CPNE4: variants seen among roughly 807,000 people sequenced by gnomAD.
The protein encoded by CPNE4 is copine 4.
CPNE4 carries 25 observed loss-of-function variants against 67.9 expected under a neutral mutation model. The ratio of observed to expected loss-of-function variants is 0.37; its 90% CI spans 0.27 to 0.51. The LOEUF (loss-of-function observed/expected upper bound fraction) is 0.51, where lower values mean the gene tolerates loss of function less well. Among genes scored for constraint, CPNE4 ranks in the 20% least tolerant of loss-of-function variants. The pLI is 0.93. For missense variants in CPNE4, 464 were observed against 690.8 expected (o/e 0.67, Z 3.68); for synonymous variants, 242 against 244.9 (o/e 0.99, Z 0.11).
At chr3:131,655,284 T>C (rs1478752929) in intron 7 of CPNE4, among the ~76,000 whole-genome samples, 5 of 152,166 alleles carry the variant, frequency 3.3e-5, no homozygotes, top group Non-Finnish European at 7.3e-5. Flanking sequence ...GACCCAATGA[T>C]GTATGTTTCA....
In CPNE4 at chr3:131,776,407, T is replaced by G. The variant is rs905704623; in HGVS notation, c.181-52782A>C. Among the ~76,000 whole-genome samples the G allele has an allele frequency of 2.0e-5, 3 of 152,074 alleles. No homozygotes were observed. In the East Asian group the frequency reaches 5.8e-4, roughly 29 times the overall value. ...TATTCCTTTCACTGTCTGAGGAACT[T>G]CCAACACCCTGATGGGAGGCTTTGA... is the stretch of plus-strand genomic sequence containing the variant. On this transcript the variant is annotated intron_variant, in intron 2 of 15. Coordinates refer to ENST00000429747, the MANE Select transcript of CPNE4 (RefSeq NM_130808.3).
At chr3:131,750,461 T>C (rs976342051) in intron 2 of CPNE4, among the ~76,000 whole-genome samples, 1 of 152,196 alleles carries the variant, frequency 6.6e-6, no homozygotes, top group Non-Finnish European at 1.5e-5. Flanking sequence ...TTAGTGCATC[T>C]CATTGAGTAT....
At chr3:131,760,997 C>G (rs2082872936) in intron 2 of CPNE4, among the ~76,000 whole-genome samples, 1 of 151,996 alleles carries the variant, frequency 6.6e-6, no homozygotes, top group Non-Finnish European at 1.5e-5. Flanking sequence ...GACACACTTT[C>G]CTTGTTGAGA....
upstream of CPNE4, chr3:132,035,115 C>T (rs2074317831): frequency 1.0e-6 from 1 of 961,898 alleles, no homozygotes; most frequent in Admixed American, 6.2e-5. Flanking sequence ...GCCCCGGGAA[C>T]CCGAGCTCAG....
chr3:132,005,567 C>A (rs2073577761), intron 1 of CPNE4, among the ~76,000 whole-genome samples: 1 of 151,576 alleles, frequency 6.6e-6, no homozygotes. Flanking sequence ...TTCATCTATT[C>A]AAGTGTTTAC....
intron 2 of CPNE4, among the ~76,000 whole-genome samples, chr3:131,725,878 C>T (rs2081988680): frequency 6.6e-6 from 1 of 152,222 alleles, no homozygotes; most frequent in South Asian, 2.1e-4. Context: ...ATTTACTCTT[C>T]ACTTCTCACA....
chr3:131,825,514 G>A (rs960857653), intron 2 of CPNE4, among the ~76,000 whole-genome samples: 4 of 149,056 alleles, frequency 2.7e-5, no homozygotes, highest in Admixed American at 2.7e-4. Context: ...AAAAAACATT[G>A]GTAACTTCTG....
intron 11 of CPNE4, among the ~76,000 whole-genome samples, chr3:131,563,010 T>C (rs900780248): frequency 2.6e-5 from 4 of 152,184 alleles, no homozygotes; most frequent in South Asian, 4.1e-4. Context: ...TTTGAGTTAC[T>C]GGTGATGACC....
chr3:132,007,466 C>T (rs527777874), intron 1 of CPNE4, among the ~76,000 whole-genome samples: 5 of 152,186 alleles, frequency 3.3e-5, no homozygotes, highest in East Asian at 1.9e-4. Flanking sequence ...GAAAACACGA[C>T]GTAAGTATTA....
chr3:131,595,873 C>T (rs1938812848), intron 7 of CPNE4, among the ~76,000 whole-genome samples: 1 of 152,058 alleles, frequency 6.6e-6, no homozygotes, highest in Non-Finnish European at 1.5e-5. Flanking sequence ...GTTAAGTGAA[C>T]TAAACCAGTC....
intron 7 of CPNE4, among the ~76,000 whole-genome samples, chr3:131,630,984 T>G (rs1179728707): frequency 1.3e-5 from 2 of 152,218 alleles, no homozygotes; most frequent in Non-Finnish European, 2.9e-5. Context: ...GAGAGAAGTC[T>G]GAAGCCACTT....
intron 5 of CPNE4, among the ~76,000 whole-genome samples, chr3:131,690,145 A>C (rs2080999945): frequency 1.3e-5 from 2 of 152,168 alleles, no homozygotes; most frequent in South Asian, 4.1e-4. Context: ...AATGCTACTT[A>C]CATCAAACTA....
chr3:131,633,885 TATTTG>T lies in CPNE4; in HGVS notation c.681+35785_681+35789del, dbSNP rs1280978682. On this transcript the variant is annotated intron_variant, in intron 7 of 15. Transcript: ENST00000429747. ...ATTTAGAATCATTGTTTTATAATAT[TATTTG>T]TAAAGGCTGAAGAGGATTACATTAT... is the stretch of plus-strand genomic sequence containing the variant. 2.6e-5 allele frequency among the ~76,000 whole-genome samples: 4 copies of T among 152,310 alleles called. No individual in the cohort carries two copies. The East Asian group carries it at 7.7e-4, about 29-fold the overall frequency.
chr3:131,955,421 T>TG (rs1560674401), intron 1 of CPNE4, among the ~76,000 whole-genome samples: 11 of 132,310 alleles, frequency 8.3e-5, no homozygotes, highest in African/African-American at 3.2e-4. Flanking sequence ...TTTTTTTTTT[T>TG]TTTTTTTTTT....
chr3:131,554,845 C>T (rs563501863), intron 12 of CPNE4, among the ~76,000 whole-genome samples: 10 of 152,026 alleles, frequency 6.6e-5, no homozygotes, highest in Admixed American at 1.3e-4. Flanking sequence ...CTAGTGGGCA[C>T]GAGTTCTCTG....
intron 2 of CPNE4, among the ~76,000 whole-genome samples, chr3:131,748,566 A>G (rs2107792734): frequency 6.6e-6 from 1 of 152,184 alleles, no homozygotes; most frequent in Non-Finnish European, 1.5e-5. Context: ...ACCATCTGGG[A>G]TGGGAGATCT....
chr3:131,748,789 T>C (rs921199543), intron 2 of CPNE4, among the ~76,000 whole-genome samples: 6 of 152,112 alleles, frequency 3.9e-5, no homozygotes, highest in Admixed American at 3.9e-4. Flanking sequence ...CCTTTTGATG[T>C]CTGCAGGATG....
intron 7 of CPNE4, among the ~76,000 whole-genome samples, chr3:131,655,806 A>C (rs1264445882): frequency 3.3e-5 from 5 of 152,186 alleles, no homozygotes; most frequent in African/African-American, 1.2e-4. Flanking sequence ...TTATTCTATT[A>C]AAAATCTCAT....
chr3:131,540,124 C>T (rs1014321884), intron 15 of CPNE4, among the ~76,000 whole-genome samples: 3 of 152,150 alleles, frequency 2.0e-5, no homozygotes, highest in African/African-American at 7.2e-5. Context: ...ACCCCTCATC[C>T]ACATGCACAG....
Sources: gnomAD v4.1 joint callset for allele counts (sites outside exome capture counted in the v4.1 genomes callset) on GRCh38, gnomAD v4.1.1 for gene constraint, MANE v1.5 for transcripts, NCBI Gene and HGNC (gene_info 2026-07-23, HGNC 2026-07-21) for gene names.